The following ELF3 variants were observed in gnomAD, a reference collection of about 807,000 sequenced individuals.
ELF3 encodes the protein ETS-related transcription factor Elf-3.
ELF3 carries 18 observed loss-of-function variants against 43.9 expected under a neutral mutation model. The observed-to-expected ratio is 0.41, with a 90% CI of 0.28 to 0.61. The LOEUF (loss-of-function observed/expected upper bound fraction) is 0.61. Among genes scored for constraint, ELF3 ranks in the 20% least tolerant of loss-of-function variants. The probability of loss-of-function intolerance (pLI) is 0.30; values close to 1 mark genes in which losing one functional copy is unlikely to be tolerated. For missense variants in ELF3, 373 were observed against 487.7 expected (o/e 0.76, Z 2.21); for synonymous variants, 181 against 190.2 (o/e 0.95, Z 0.40).
At position 202,015,340 on chromosome 1, in the gene ELF3, C is replaced by G; in HGVS notation, c.*17C>G. ...CGGAACTGAGGGTTGGAACTATACC[C>G]GGGACCAAACTCACGGACCACTCGA... On this transcript the variant is annotated 3_prime_UTR_variant, in exon 9 of 9. Transcript: ENST00000367284. The G allele has an allele frequency of 6.2e-7, 1 of 1,613,090 alleles. No homozygotes were observed. Among genetic ancestry groups the G allele is most frequent in the Admixed American group, 1.7e-5 (1 of 59,984 alleles).
rs16849572 is a variant in ELF3 at position 202,014,201 on chromosome 1, T to C, written c.1001+177T>C. Among the ~76,000 whole-genome samples, 677 of 152,338 alleles carry C rather than the reference T, an allele frequency of 4.4e-3. 10 individuals carry two copies. Among genetic ancestry groups the C allele is most frequent in the African/African-American group, 0.015 (643 of 41,586 alleles). ...ATTAAATGACAACATGGAGAAAGTA[T>C]TAGCCTGGCAGACAGCAGACACAGT... is the stretch of plus-strand genomic sequence containing the variant. On this transcript the variant is annotated intron_variant, in intron 8 of 8. Coordinates refer to ENST00000367284, the MANE Select transcript of ELF3 (RefSeq NM_004433.5).
chr1:202,014,067 G>A (rs1325692035), intron 8 of ELF3, 43 bp downstream of exon 8: 3 of 1,560,044 alleles, frequency 1.9e-6, no homozygotes, highest in Non-Finnish European at 2.6e-6. Flanking sequence ...CCGGACATGG[G>A]GACAGGCGCT....
chr1:202,011,669 C>G, intron 2 of ELF3: 1 of 474,232 alleles, frequency 2.1e-6, no homozygotes, highest in Non-Finnish European at 3.8e-6. Flanking sequence ...GTCAAGAGTT[C>G]GAGACCAGCC....
rs145400244 is a variant in ELF3, at chr1:202,011,187, G to A, written c.51G>A (p.Ala17=). Reference sequence around the variant, plus strand: ...ACATTTTTAGCAACTACTTCAGTGCGATGTACAGCTCGGAGGACTCCACCC... The same window carrying A: ...ACATTTTTAGCAACTACTTCAGTGCAATGTACAGCTCGGAGGACTCCACCC... The part of the protein sequence containing the change: ...ISNIFSNYFS[A]MYSSEDSTLA... Residue 17 remains alanine, a synonymous_variant, in exon 2 of 9, where the codon GCG becomes GCA. Coordinates refer to ENST00000367284, the MANE Select transcript of ELF3 (RefSeq NM_004433.5). 34 of 1,614,026 alleles carry A rather than the reference G, an allele frequency of 2.1e-5. No homozygotes were observed. The highest frequency in any genetic ancestry group is 8.0e-5 in the African/African-American group (6 of 74,926).
chr1:202,011,551 G>T, intron 2 of ELF3: 1 of 512,896 alleles, frequency 1.9e-6, no homozygotes, highest in African/African-American at 1.9e-5. Context: ...AAGGGCTGAG[G>T]TGTGAATCCC....
chr1:202,012,628 T>A lies in ELF3; in HGVS notation c.479-12T>A. On this transcript the variant is annotated splice_polypyrimidine_tract_variant and intron_variant, in intron 4 of 8. Transcript: ENST00000367284. This position sits in a 1 kb window ranked among gnomAD's most constrained non-coding sequence, Gnocchi z 4.2. ...CCTGAGCCCTCTCTGAGTTCTCACC[T>A]CCTCTTCCCAGACCAGGGCAGCCCC... 1 of 1,575,454 alleles carries A rather than the reference T, an allele frequency of 6.3e-7. No individual in the cohort carries two copies. Among genetic ancestry groups the A allele is most frequent in the East Asian group, 2.3e-5 (1 of 44,422 alleles).
In ELF3 at chr1:202,012,934, C is replaced by T. The variant is rs1386683132; in HGVS notation, c.599-13C>T. ...TGGGCCGGCAGGGGACTTACTCTGA[C>T]CCCGCCCCCCAGGGACTGGTGCTTC... On this transcript the variant is annotated splice_polypyrimidine_tract_variant and intron_variant, in intron 5 of 8. Coordinates refer to ENST00000367284, the MANE Select transcript of ELF3 (RefSeq NM_004433.5). This position sits in a 1 kb window ranked among gnomAD's most constrained non-coding sequence, Gnocchi z 4.2. 1 of 1,602,698 alleles carries T rather than the reference C, an allele frequency of 6.2e-7. No individual in the cohort carries two copies. The highest frequency in any genetic ancestry group is 8.5e-7 in the Non-Finnish European group (1 of 1,174,650).
In ELF3 at chr1:202,012,999, G is replaced by A; in HGVS notation, c.651G>A (p.Val217=). 6.2e-7 allele frequency: 1 copy of A among 1,613,924 alleles called. No homozygotes were observed. The highest frequency in any genetic ancestry group is 8.5e-7 in the Non-Finnish European group (1 of 1,179,904). The change falls in exon 6 of 9, where the codon GTG becomes GTA. Residue 217 remains valine (V), a synonymous_variant. Transcript: ENST00000367284. This position sits in a 1 kb window ranked among gnomAD's most constrained non-coding sequence, Gnocchi z 4.2. ...SHSSDSGGSD[V]DLDPTDGKLF... is the part of the protein sequence containing the mutation. Reference sequence around the variant, plus strand: ...CCTCAGACTCCGGTGGAAGTGACGTGGACCTGGATCCCACTGATGGCAAGC... The same window carrying A: ...CCTCAGACTCCGGTGGAAGTGACGTAGACCTGGATCCCACTGATGGCAAGC...
intron 1 of ELF3, 120 bp from the exon 2 acceptor site, chr1:202,011,009 T>A: frequency 8.9e-7 from 1 of 1,122,142 alleles, no homozygotes; most frequent in Non-Finnish European, 1.3e-6. Flanking sequence ...GCAGAGTTGC[T>A]GATCTTCCTG....
Position 202,011,265 on chromosome 1 carries a change from C to T in ELF3, c.129C>T (p.Thr43=). Residue 43 remains threonine, a synonymous_variant, in exon 2 of 9, where the codon ACC becomes ACT. Coordinates refer to ENST00000367284, the MANE Select transcript of ELF3 (RefSeq NM_004433.5). ...TTGGGGCCGATGACTTGGTACTGAC[C>T]CTGAGCAACCCCCAGATGTCATTGG... ...ATFGADDLVL[T]LSNPQMSLEG... 6.2e-7 allele frequency: 1 copy of T among 1,608,460 alleles called. No homozygotes were observed. Among genetic ancestry groups the T allele is most frequent in the Non-Finnish European group, 8.5e-7 (1 of 1,177,016 alleles).
Position 202,015,503 on chromosome 1 carries a change from C to G in ELF3, c.*180C>G, listed in dbSNP as rs1286714340. Reference sequence around the variant, plus strand: ...TCCTGGGACTCGGAGACTATGGCCTCGCCTCCCCACCCTCCTCTTGGAATT... The same window carrying G: ...TCCTGGGACTCGGAGACTATGGCCTGGCCTCCCCACCCTCCTCTTGGAATT... On this transcript the variant is annotated 3_prime_UTR_variant, in exon 9 of 9. Coordinates refer to ENST00000367284, the MANE Select transcript of ELF3 (RefSeq NM_004433.5). 3.3e-6 allele frequency: 2 copies of G among 612,304 alleles called. No homozygotes were observed. Among genetic ancestry groups the G allele is most frequent in the Non-Finnish European group, 5.7e-6 (2 of 349,456 alleles). 37.9% of individuals were successfully genotyped at this position (612,304 alleles called of 1,614,324 possible).
At position 202,010,960 on chromosome 1, in the gene ELF3, G is replaced by T. The variant is rs569587900; in HGVS notation, c.-8-169G>T. On this transcript the variant is annotated intron_variant, in intron 1 of 8. Transcript: ENST00000367284. The surrounding 1 kb of genome is among the most constrained non-coding windows in gnomAD (Gnocchi z 4.3). The stretch of plus-strand genomic sequence containing the variant: ...TGGAGGCTCCTGTGGTCCTGCCCTG[G>T]TCTGAGATCTTGGAGCCCTTCTTGA... The T allele has an allele frequency of 3.1e-4, 208 of 679,952 alleles. 2 individuals are homozygous for T. The South Asian group carries it at 3.6e-3, about 12-fold the overall frequency. 42.1% of individuals were successfully genotyped at this position (679,952 alleles called of 1,614,324 possible).
At chr1:202,011,448 G>A (rs1165276521) in intron 2 of ELF3, 149 bp downstream of exon 2, 18 of 1,029,012 alleles carry the variant, frequency 1.7e-5, no homozygotes, top group Non-Finnish European at 2.3e-5. Flanking sequence ...GGTGCTGGGG[G>A]TTGTGGGGCT....
At position 202,013,102 on chromosome 1, in the gene ELF3, T is replaced by C; in HGVS notation, c.688+66T>C. The C allele has an allele frequency of 6.2e-7, 1 of 1,601,064 alleles. No individual in the cohort carries two copies. Among genetic ancestry groups the C allele is most frequent in the South Asian group, 1.1e-5 (1 of 88,986 alleles). On this transcript the variant is annotated intron_variant, in intron 6 of 8. Transcript: ENST00000367284. The surrounding 1 kb of genome is among the most constrained non-coding windows in gnomAD (Gnocchi z 5.7). ...AATGCACAGGGGGCCCGGCTCTTCC[T>C]GCAGCCTTTTCCTGTAGAGGGGCTA...
Position 202,013,783 on chromosome 1 carries a change from G to A in ELF3, c.806-46G>A, listed in dbSNP as rs1181383445. The A allele has an allele frequency of 4.4e-6, 7 of 1,573,474 alleles. No homozygotes were observed. Among genetic ancestry groups the A allele is most frequent in the African/African-American group, 1.4e-5 (1 of 74,056 alleles). On this transcript the variant is annotated intron_variant, in intron 7 of 8. Transcript: ENST00000367284. The surrounding 1 kb of genome is among the most constrained non-coding windows in gnomAD (Gnocchi z 5.7). ...CGGGCAGGGCTGGCTGGCCTTGGGTGAGAGGGGACACCTGGATGGCAAACT... is the reference window on the plus strand; with the variant it reads ...CGGGCAGGGCTGGCTGGCCTTGGGTAAGAGGGGACACCTGGATGGCAAACT...
rs1684186198 is a variant in ELF3 at position 202,011,222 on chromosome 1, T to C, written c.86T>C (p.Val29Ala). ...TCGGAGGACTCCACCCTGGCCTCTGTTCCCCCTGCTGCCACCTTTGGGGCC... is the reference window on the plus strand; with the variant it reads ...TCGGAGGACTCCACCCTGGCCTCTGCTCCCCCTGCTGCCACCTTTGGGGCC... Reference protein sequence around the residue: ...YSSEDSTLASVPPAATFGADD... With the variant: ...YSSEDSTLASAPPAATFGADD... Residue 29 changes from valine (V) to alanine (A), a missense_variant, in exon 2 of 9, where the codon GTT (valine) becomes GCT (alanine). Around this residue, in one of 3 missense-constraint regions of ELF3, gnomAD observed 311 missense variants for 351.2 expected, o/e 0.89. Transcript: ENST00000367284. 1.2e-6 allele frequency: 2 copies of C among 1,613,758 alleles called. No homozygotes were observed. Among genetic ancestry groups the C allele is most frequent in the South Asian group, 1.1e-5 (1 of 91,056 alleles).
At chr1:202,014,689 C>A (rs1200939268) in intron 8 of ELF3, among the ~76,000 whole-genome samples, 1 of 152,166 alleles carries the variant, frequency 6.6e-6, no homozygotes, top group Non-Finnish European at 1.5e-5. Flanking sequence ...CTCGCTACAA[C>A]CTCTGCCTGC....
chr1:202,011,724 A>C, intron 2 of ELF3: 1 of 553,976 alleles, frequency 1.8e-6, no homozygotes, highest in African/African-American at 1.9e-5. Context: ...ATACAAAAAA[A>C]AATTTATCCC....
rs773539392 is a variant in ELF3, at chr1:202,012,318, G to GT, written c.386-25dup. ...CCCTTGAGGGAGGGATTAGGGGAGT[G>GT]TGACCCTTCCTTCCTTCCTTGTCAG... On this transcript the variant is annotated intron_variant, in intron 3 of 8. Coordinates refer to ENST00000367284, the MANE Select transcript of ELF3 (RefSeq NM_004433.5). The surrounding 1 kb of genome is among the most constrained non-coding windows in gnomAD (Gnocchi z 4.2). 5 of 1,613,028 alleles carry GT rather than the reference G, an allele frequency of 3.1e-6. No homozygotes were observed. In the African/African-American group the frequency reaches 6.7e-5, roughly 22 times the overall value.
Sources: gnomAD v4.1 joint callset for allele counts (sites outside exome capture counted in the v4.1 genomes callset) on GRCh38, gnomAD v4.1.1 for gene constraint, gnomAD v4.1.1 regional missense constraint, Gnocchi (gnomAD v3.1) non-coding constraint, MANE v1.5 for transcripts, NCBI Gene and HGNC (gene_info 2026-07-23, HGNC 2026-07-21) for gene names.